CYB5R3: variants seen among roughly 807,000 people sequenced by gnomAD.
The protein encoded by CYB5R3 is cytochrome b5 reductase 3, also known as NADH-cytochrome b5 reductase 3.
In CYB5R3, 28 loss-of-function variants were observed where a neutral mutation model predicts 36.5. That is an observed-to-expected ratio of 0.77 (90% confidence interval 0.57 to 1.05). CYB5R3 has a LOEUF of 1.05. Among genes scored for constraint, CYB5R3 ranks in the 50% least tolerant of loss-of-function variants. CYB5R3 has a pLI of 0.00. For synonymous variants in CYB5R3, 181 were observed against 159.8 expected, an observed-to-expected ratio of 1.13 and a Z score of -1.00; for missense variants, 474 against 408.9, an observed-to-expected ratio of 1.16 and a Z score of -1.37.
intron 1 of CYB5R3, among the ~76,000 whole-genome samples, chr22:42,643,278 T>C (rs561391057): frequency 6.6e-6 from 1 of 152,260 alleles, no homozygotes; most frequent in East Asian, 1.9e-4. Context: ...TGAGATGAGA[T>C]GAGCTGGGGC....
In CYB5R3 at chr22:42,619,745, C is replaced by T. The variant is rs768603385; in HGVS notation, c.*28G>A. ...TGAACAGGGCGTGGGGTGCGCGGGG[C>T]GGGTGGCCGTGTGACCGTGCCCGGC... On this transcript the variant is annotated 3_prime_UTR_variant, in exon 9 of 9. Transcript: ENST00000352397. 41 of 1,545,662 alleles carry T rather than the reference C, an allele frequency of 2.7e-5. No individual in the cohort carries two copies. In the Admixed American group the frequency reaches 4.3e-4, roughly 16 times the overall value.
chr22:42,644,336 C>A, intron 1 of CYB5R3: 1 of 701,536 alleles, frequency 1.4e-6, no homozygotes, highest in East Asian at 2.7e-5. Flanking sequence ...CCCACCATAG[C>A]TCCCCACTGC....
intron 1 of CYB5R3, chr22:42,640,164 C>T (rs1473019424): frequency 1.2e-6 from 2 of 1,613,042 alleles, no homozygotes; most frequent in Admixed American, 3.3e-5. Flanking sequence ...GAGGAACCAG[C>T]TCAACCGTGG....
chr22:42,619,445 A>C lies in CYB5R3; in HGVS notation c.*328T>G. 2 of 327,122 alleles carry C rather than the reference A, an allele frequency of 6.1e-6. No individual in the cohort carries two copies. The highest frequency in any genetic ancestry group is 9.6e-5 in the South Asian group (2 of 20,780). The allele number at this position is 327,122 out of a possible 1,614,324, so 20.3% of individuals were successfully genotyped here. On this transcript the variant is annotated 3_prime_UTR_variant, in exon 9 of 9. Coordinates refer to ENST00000352397, the MANE Select transcript of CYB5R3 (RefSeq NM_000398.7). ...TGGTCCACGGCCGGGAATGGTGGGC[A>C]GACGGGGCTGCTGGCAGCCCTCAGC...
intron 1 of CYB5R3, chr22:42,640,346 T>C (rs903683068): frequency 1.3e-5 from 12 of 895,226 alleles, no homozygotes; most frequent in Non-Finnish European, 1.5e-5. Flanking sequence ...CCCTGCGTGG[T>C]TCACTTATTT....
At chr22:42,633,550 C>G (rs953525589) in intron 2 of CYB5R3, among the ~76,000 whole-genome samples, 2 of 152,172 alleles carry the variant, frequency 1.3e-5, no homozygotes, top group Admixed American at 1.3e-4. Context: ...TTTGGGAGGT[C>G]GAGGCGGGCG....
chr22:42,636,986 C>T (rs1928936376), intron 1 of CYB5R3, 140 bp from the exon 2 acceptor site: 3 of 1,231,444 alleles, frequency 2.4e-6, no homozygotes, highest in Non-Finnish European at 3.4e-6. Context: ...ATCCAGAAAG[C>T]TTCATCATCC....
intron 1 of CYB5R3, 124 bp downstream of exon 1, chr22:42,649,171 G>T (rs1929656686): frequency 9.7e-6 from 3 of 308,690 alleles, no homozygotes; most frequent in South Asian, 7.9e-5. Context: ...CTGGGCGGGC[G>T]AAGTGGGTGC....
chr22:42,623,790 T>C lies in CYB5R3; in HGVS notation c.732A>G (p.Glu244=). 6.2e-7 allele frequency: 1 copy of C among 1,613,900 alleles called. No individual in the cohort carries two copies. Among genetic ancestry groups the C allele is most frequent in the South Asian group, 1.1e-5 (1 of 91,072 alleles). ...CAGTGAGGGGCCTCCCTCACTCACC[T>C]TCAGGGGCTCTGTCCAGCGTGTACC... The part of the protein sequence containing the change: ...KLWYTLDRAP[E]AWDYGQGFVN... The change falls in exon 8 of 9, where the codon GAA becomes GAG. Residue 244 remains glutamate (E), a splice_region_variant and synonymous_variant. Transcript: ENST00000352397.
intron 1 of CYB5R3, chr22:42,640,198 C>T (rs1442910013): frequency 1.2e-6 from 2 of 1,607,980 alleles, no homozygotes; most frequent in South Asian, 2.2e-5. Context: ...TGCGGCCAAT[C>T]GAGGCTTCAA....
intron 1 of CYB5R3, among the ~76,000 whole-genome samples, chr22:42,637,543 C>T (rs769588535): frequency 6.6e-6 from 1 of 152,302 alleles, no homozygotes; most frequent in South Asian, 2.1e-4. Context: ...AAGCACTGAG[C>T]CAGGCACTGG....
chr22:42,639,336 A>AG (rs1929101566), intron 1 of CYB5R3, among the ~76,000 whole-genome samples: 2 of 120,382 alleles, frequency 1.7e-5, no homozygotes, highest in Non-Finnish European at 1.7e-5. Context: ...AAAAAAAAAA[A>AG]GTGGGGGGGG....
intron 4 of CYB5R3, among the ~76,000 whole-genome samples, chr22:42,630,207 C>T (rs1038443764): frequency 3.3e-5 from 5 of 152,144 alleles, no homozygotes; most frequent in African/African-American, 4.8e-5. Context: ...GCCCCTAACG[C>T]CTGCATCTTC....
intron 4 of CYB5R3, among the ~76,000 whole-genome samples, chr22:42,629,287 T>C (rs1269766839): frequency 6.6e-6 from 1 of 152,110 alleles, no homozygotes; most frequent in Admixed American, 6.5e-5. Context: ...TCCAGCCACT[T>C]CAATCCTTGA....
rs776105387 is a variant in CYB5R3 at position 42,619,797 on chromosome 22, G to T, written c.882C>A (p.Pro294=). Residue 294 remains proline (P), a synonymous_variant, in exon 9 of 9, where the codon CCC becomes CCA. Transcript: ENST00000352397. The part of the protein sequence containing the change: ...CLPNLDHVGH[P]TERCFVF ...CTCAGAAGACGAAGCAGCGCTCCGT[G>T]GGGTGGCCCACGTGGTCCAGGTTGG... 10 of 1,594,012 alleles carry T rather than the reference G, an allele frequency of 6.3e-6. No individual in the cohort carries two copies. The highest frequency in any genetic ancestry group is 1.7e-4 in the Middle Eastern group (1 of 6,042).
At chr22:42,646,191 C>G (rs8190391) in intron 1 of CYB5R3, among the ~76,000 whole-genome samples, 96,582 of 152,080 alleles carry the variant, frequency 0.64, 30,904 homozygotes, top group East Asian at 0.87. Context: ...TGCCTCCTCA[C>G]CTGTGCTGCG....
At chr22:42,622,872 G>C (rs549533473) in intron 8 of CYB5R3, among the ~76,000 whole-genome samples, 1 of 152,232 alleles carries the variant, frequency 6.6e-6, no homozygotes, top group Non-Finnish European at 1.5e-5. Flanking sequence ...CCCCAAACTG[G>C]TGCTCACACG....
rs143889583 is a variant in CYB5R3, at chr22:42,646,663, C to T, written c.21+2632G>A. On this transcript the variant is annotated intron_variant, in intron 1 of 8. Transcript: ENST00000352397. Reference sequence around the variant, plus strand: ...TACCTGTCCCCTGCCTGCCCGCCAGCGGTCCTGCCAGAATCTGAGCGGCAC... The same window carrying T: ...TACCTGTCCCCTGCCTGCCCGCCAGTGGTCCTGCCAGAATCTGAGCGGCAC... 2.5e-4 allele frequency: 245 copies of T among 985,646 alleles called. 1 individual carries two copies. In the African/African-American group the frequency reaches 3.8e-3, roughly 15 times the overall value. The allele number at this position is 985,646 out of a possible 1,614,324, so 61.1% of individuals were successfully genotyped here. A position where few individuals can be genotyped will look rare whatever the true frequency, so the allele number is the denominator to read the frequency against.
chr22:42,630,937 G>C lies in CYB5R3; in HGVS notation c.278C>G (p.Pro93Arg), dbSNP rs751286514. Residue 93 changes from proline to arginine, a missense_variant, in exon 4 of 9, where the codon CCC (proline) becomes CGC (arginine). Transcript: ENST00000352397. ...ARIDGNLVVR[P>R]YTPISSDDDK... Reference sequence around the variant, plus strand: ...ATCATCGCTGGAGATGGGTGTATAGGGCCGGACGACCAGGTTTCCATCAAT... The same window carrying C: ...ATCATCGCTGGAGATGGGTGTATAGCGCCGGACGACCAGGTTTCCATCAAT... 1 of 1,614,080 alleles carries C rather than the reference G, an allele frequency of 6.2e-7. No homozygotes were observed. The highest frequency in any genetic ancestry group is 1.7e-5 in the Admixed American group (1 of 60,016).
Sources: gnomAD v4.1 joint callset for allele counts (sites outside exome capture counted in the v4.1 genomes callset) on GRCh38, gnomAD v4.1.1 for gene constraint, MANE v1.5 for transcripts, NCBI Gene and HGNC (gene_info 2026-07-23, HGNC 2026-07-21) for gene names.